CROCC2: variants seen among roughly 807,000 people sequenced by gnomAD.
CROCC2 encodes ciliary rootlet coiled-coil, rootletin family member 2.
A neutral mutation model predicts 177.6 loss-of-function variants in CROCC2; 163 were observed. That is an observed-to-expected ratio of 0.92 (90% CI 0.81 to 1.05). The LOEUF is 1.05. Among genes scored for constraint, CROCC2 ranks in the 50% least tolerant of loss-of-function variants. CROCC2 has a pLI of 0.00. For missense variants in CROCC2, 1,929 were observed against 1,797.8 expected (o/e 1.07, Z -1.32); for synonymous variants, 904 against 787.3 (o/e 1.15, Z -2.48).
rs2059679091 is a variant in CROCC2 at position 240,965,810 on chromosome 2, G to A, written c.3778G>A (p.Ala1260Thr). 1.4e-6 allele frequency: 2 copies of A among 1,470,362 alleles called. No homozygotes were observed. The highest frequency in any genetic ancestry group is 1.4e-5 in the African/African-American group (1 of 70,482). The allele number at this position is 1,470,362 out of a possible 1,614,324, so 91.1% of individuals were successfully genotyped here. A position where few individuals can be genotyped will look rare whatever the true frequency, so the allele number is the denominator to read the frequency against. The change falls in exon 24 of 32, where the codon GCT (alanine) becomes ACT (threonine). Residue 1260 changes from alanine to threonine, a missense_variant. Ala to Thr is a moderately conservative substitution (Grantham distance 58). This residue lies in a region of CROCC2 where 144 missense variants were observed against 205.2 expected (regional missense o/e 0.70). Transcript: ENST00000690015. Reference sequence around the variant, plus strand: ...CAGTGGTGTGGCTGATGCTCTCCAGGCTCGCCTGGACCAGGCCTGTCACCG... The same window carrying A: ...CAGTGGTGTGGCTGATGCTCTCCAGACTCGCCTGGACCAGGCCTGTCACCG... ...EASGVADALQ[A>T]RLDQACHRIH...
chr2:240,922,599 G>C lies in CROCC2; in HGVS notation c.442G>C (p.Val148Leu), dbSNP rs921970545. ...GCGGAGGTCAGAGCTGGAGCACAGC[G>C]TGGATCTGGAGGAGGCCCTTGGCCG... ...QLRRSELEHS[V>L]DLEEALGRLE... The change falls in exon 4 of 32, where the codon GTG becomes CTG. Residue 148 changes from valine (V) to leucine (L), a missense_variant. This residue lies in a region of CROCC2 where 1,397 missense variants were observed against 1,239.9 expected (regional missense o/e 1.13). Coordinates refer to ENST00000690015, the MANE Select transcript of CROCC2 (RefSeq NM_001351305.2). 2 of 688,762 alleles carry C rather than the reference G, an allele frequency of 2.9e-6. No homozygotes were observed. The highest frequency in any genetic ancestry group is 2.8e-5 in the East Asian group (1 of 35,254). 42.7% of individuals were successfully genotyped at this position (688,762 alleles called of 1,614,324 possible).
chr2:240,948,507 G>A (rs745505254), intron 15 of CROCC2, among the ~76,000 whole-genome samples: 5 of 152,308 alleles, frequency 3.3e-5, no homozygotes, highest in East Asian at 1.9e-4. Context: ...CTTTGTTCAC[G>A]GATAAACACC....
Position 240,990,205 on chromosome 2 carries a change from G to A in CROCC2, c.4863+372G>A, listed in dbSNP as rs151223111. Among the ~76,000 whole-genome samples, 80 of 152,316 alleles carry A rather than the reference G, an allele frequency of 5.3e-4. 1 individual carries two copies. The highest frequency in any genetic ancestry group is 3.4e-3 in the Middle Eastern group (1 of 294). ...CAGCATGCACAGTTGTAGCAGAGGT[G>A]GCCTCTGCACCTGTCCTTCAGAGTC... On this transcript the variant is annotated intron_variant, in intron 30 of 31. Coordinates refer to ENST00000690015, the MANE Select transcript of CROCC2 (RefSeq NM_001351305.2).
chr2:240,971,204 A>C (rs886259006), intron 27 of CROCC2, among the ~76,000 whole-genome samples: 1 of 152,138 alleles, frequency 6.6e-6, no homozygotes, highest in Admixed American at 6.5e-5. Context: ...AGTGGGTGAG[A>C]CCCACCTGGG....
chr2:240,980,355 A>G (rs1371466091), intron 27 of CROCC2, among the ~76,000 whole-genome samples: 23 of 93,902 alleles, frequency 2.4e-4, no homozygotes, highest in African/African-American at 9.3e-4. Context: ...TAGGAGCCTC[A>G]GGATCCCAGG....
At chr2:240,946,772 G>A (rs1327267545) in intron 15 of CROCC2, among the ~76,000 whole-genome samples, 1 of 152,220 alleles carries the variant, frequency 6.6e-6, no homozygotes, top group East Asian at 1.9e-4. Context: ...GAGAGCGGCT[G>A]CCATGGGCCG....
At chr2:240,965,594 C>T (rs933204284) in intron 23 of CROCC2, 42 bp from the exon 24 acceptor site, 8 of 1,549,702 alleles carry the variant, frequency 5.2e-6, no homozygotes, top group East Asian at 2.4e-5. Flanking sequence ...ACCCCACTTC[C>T]TCACTGTCTC....
intron 27 of CROCC2, among the ~76,000 whole-genome samples, chr2:240,971,129 GCCC>G (rs1210289202): frequency 6.6e-6 from 1 of 152,110 alleles, no homozygotes; most frequent in South Asian, 2.1e-4. Flanking sequence ...TGCACCCCAC[GCCC>G]CCCATCTCCA....
chr2:240,982,934 G>C lies in CROCC2; in HGVS notation c.4456G>C (p.Gly1486Arg). ...ALEESRRHSQ[G>R]LAKQGKLLEE... ...TGAAGAGAGCAGGAGGCACAGCCAA[G>C]GTCTGGCCAAGCAGGGGAAGCTGCT... Residue 1486 changes from glycine (G) to arginine (R), a missense_variant, in exon 28 of 32, where the codon GGT (glycine) becomes CGT (arginine). Physicochemically the swap from Gly to Arg is moderately radical, Grantham distance 125 (BLOSUM62 -2). This residue lies in a region of CROCC2 where 388 missense variants were observed against 352.7 expected (regional missense o/e 1.10). Coordinates refer to ENST00000690015, the MANE Select transcript of CROCC2 (RefSeq NM_001351305.2). The surrounding 1 kb of genome is among the most constrained non-coding windows in gnomAD (Gnocchi z 4.7). The C allele has an allele frequency of 6.4e-7, 1 of 1,550,400 alleles. No homozygotes were observed. The highest frequency in any genetic ancestry group is 8.7e-7 in the Non-Finnish European group (1 of 1,146,946).
chr2:240,971,907 C>G (rs1394682487), intron 27 of CROCC2, among the ~76,000 whole-genome samples: 1 of 152,156 alleles, frequency 6.6e-6, no homozygotes, highest in African/African-American at 2.4e-5. Context: ...CGCATCTCGT[C>G]TGCTGCTCCT....
rs1251994736 is a variant in CROCC2, at chr2:240,989,819, G to C, written c.4849G>C (p.Val1617Leu). Reference sequence around the variant, plus strand: ...ATGGACCCACCAGCAGCAGGTAAAGGTGCTGGAAGAGCAGGTAAGGTCGGG... The same window carrying C: ...ATGGACCCACCAGCAGCAGGTAAAGCTGCTGGAAGAGCAGGTAAGGTCGGG... ...QEWTHQQQVK[V>L]LEEQVASLKE... The change falls in exon 30 of 32, where the codon GTG becomes CTG. Residue 1617 changes from valine (V) to leucine (L), a missense_variant. Val to Leu is a conservative substitution (Grantham distance 32, BLOSUM62 1). Around this residue, in one of 3 missense-constraint regions of CROCC2, gnomAD observed 388 missense variants for 352.7 expected, o/e 1.10. Coordinates refer to ENST00000690015, the MANE Select transcript of CROCC2 (RefSeq NM_001351305.2). 6.5e-7 allele frequency: 1 copy of C among 1,543,174 alleles called. No individual in the cohort carries two copies. Among genetic ancestry groups the C allele is most frequent in the Admixed American group, 2.0e-5 (1 of 50,734 alleles).
At chr2:240,920,852 G>A (rs949339604) in intron 3 of CROCC2, among the ~76,000 whole-genome samples, 10 of 152,348 alleles carry the variant, frequency 6.6e-5, no homozygotes, top group Admixed American at 2.0e-4. Context: ...TATGTCAGCC[G>A]CTCCAAGACA....
intron 5 of CROCC2, among the ~76,000 whole-genome samples, chr2:240,928,067 G>C (rs766368424): frequency 6.6e-6 from 1 of 152,188 alleles, no homozygotes; most frequent in African/African-American, 2.4e-5. Context: ...TGGTTCTATT[G>C]TTTCTGCTGG....
chr2:240,962,221 A>G (rs2059647055), intron 20 of CROCC2, among the ~76,000 whole-genome samples: 1 of 152,014 alleles, frequency 6.6e-6, no homozygotes, highest in Non-Finnish European at 1.5e-5. Context: ...TAATTATTAT[A>G]ATCACATTAA....
chr2:240,966,851 G>C (rs544122844), intron 25 of CROCC2, among the ~76,000 whole-genome samples: 1 of 152,050 alleles, frequency 6.6e-6, no homozygotes, highest in Non-Finnish European at 1.5e-5. Flanking sequence ...CTCCCACCTC[G>C]CTGGATGACT....
Position 240,918,075 on chromosome 2 carries a change from C to T in CROCC2, c.79-651C>T, listed in dbSNP as rs967717415. Among the ~76,000 whole-genome samples the T allele has an allele frequency of 2.0e-5, 3 of 152,224 alleles. No homozygotes were observed. The highest frequency in any genetic ancestry group is 2.0e-4 in the Admixed American group (3 of 15,290). Reference sequence around the variant, plus strand: ...TGAGCCCAGGTCCTGGGCCTTCCTGCCCACTTCTGGGCCTATTGGAGCCTC... The same window carrying T: ...TGAGCCCAGGTCCTGGGCCTTCCTGTCCACTTCTGGGCCTATTGGAGCCTC... On this transcript the variant is annotated intron_variant, in intron 1 of 31. Coordinates refer to ENST00000690015, the MANE Select transcript of CROCC2 (RefSeq NM_001351305.2). This position sits in a 1 kb window ranked among gnomAD's most constrained non-coding sequence, Gnocchi z 6.3.
At chr2:240,915,022 G>GTCCC (rs1286630636) in intron 1 of CROCC2, among the ~76,000 whole-genome samples, 1 of 152,230 alleles carries the variant, frequency 6.6e-6, no homozygotes, top group Admixed American at 6.5e-5. Flanking sequence ...CAGACCTACA[G>GTCCC]TCCCTGCGCC....
intron 28 of CROCC2, among the ~76,000 whole-genome samples, chr2:240,985,646 CCACACACACCCAG>C (rs2059834667): frequency 1.7e-5 from 2 of 115,808 alleles, no homozygotes; most frequent in Admixed American, 9.2e-5. Context: ...GGCACTCACT[CCACACACACCCAG>C]CACACACACC....
chr2:240,917,927 CT>C lies in CROCC2; in HGVS notation c.79-798del, dbSNP rs1574745411. ...CCCTGGGGTCCCGGCCCTCCCCAAG[CT>C]GTGCCCCTGCCCGGCAAAATGCCAT... On this transcript the variant is annotated intron_variant, in intron 1 of 31. Coordinates refer to ENST00000690015, the MANE Select transcript of CROCC2 (RefSeq NM_001351305.2). The surrounding 1 kb of genome is among the most constrained non-coding windows in gnomAD (Gnocchi z 4.9). Among the ~76,000 whole-genome samples the C allele has an allele frequency of 1.3e-5, 2 of 152,184 alleles. No individual in the cohort carries two copies. The highest frequency in any genetic ancestry group is 4.8e-5 in the African/African-American group (2 of 41,444).
Sources: allele counts gnomAD v4.1 joint callset (sites outside exome capture counted in the v4.1 genomes callset), GRCh38; gene constraint gnomAD v4.1.1; regional missense constraint gnomAD v4.1.1; non-coding constraint Gnocchi (gnomAD v3.1); transcripts MANE v1.5; gene names NCBI Gene and HGNC (gene_info 2026-07-23, HGNC 2026-07-21).